Variants in VWDE observed in about 807,000 individuals in gnomAD.
The protein encoded by VWDE is von Willebrand factor D and EGF domains, also known as von Willebrand factor D and EGF domain-containing protein.
In VWDE, 207 loss-of-function variants were observed where a neutral mutation model predicts 178.4. That is an observed-to-expected ratio of 1.16 (90% CI 1.04 to 1.30). VWDE has a LOEUF of 1.30. VWDE is among the 50% of genes most tolerant of loss of function. The pLI, the probability that VWDE is intolerant of heterozygous loss-of-function variation, is 0.00. For synonymous variants in VWDE, 738 were observed against 651.4 expected, an observed-to-expected ratio of 1.13 and a Z score of -2.02; for missense variants, 2,287 against 1,901.3, an observed-to-expected ratio of 1.20 and a Z score of -3.77.
At chr7:12,341,397 G>A (rs1354496574) in intron 23 of VWDE, among the ~76,000 whole-genome samples, 1 of 152,154 alleles carries the variant, frequency 6.6e-6, no homozygotes, top group African/African-American at 2.4e-5. Flanking sequence ...ACTTTGAGAG[G>A]CTGAGGCAGG....
At chr7:12,345,060 G>T (rs1439881713) in intron 19 of VWDE, among the ~76,000 whole-genome samples, 1 of 151,998 alleles carries the variant, frequency 6.6e-6, no homozygotes, top group East Asian at 1.9e-4. Context: ...CCCAATTTGT[G>T]GGGTTCATGT....
rs1396552181 is a variant in VWDE, at chr7:12,380,699, T to G, written c.576A>C (p.Ala192=). 2.6e-6 allele frequency: 4 copies of G among 1,551,784 alleles called. No individual in the cohort carries two copies. The highest frequency in any genetic ancestry group is 3.5e-6 in the Non-Finnish European group (4 of 1,147,036). ...ACTCCACCAGAACCTCTGGCCTTCC[T>G]GCAGGTGGAGGTGGCAATGAGGCAG... ...QLAASLPPPP[A]GRPEVLVELI... The change falls in exon 5 of 29, where the codon GCA becomes GCC. Residue 192 remains alanine, a synonymous_variant. Transcript: ENST00000275358.
chr7:12,388,975 A>G (rs1399573938), intron 3 of VWDE, 152 bp downstream of exon 3: 6 of 747,714 alleles, frequency 8.0e-6, no homozygotes, highest in East Asian at 2.7e-5. Flanking sequence ...AATTTGACCA[A>G]TGTAAACAGA....
In VWDE at chr7:12,337,266, CAGAA is replaced by C. The variant is rs1459134705; in HGVS notation, c.4369_4372del (p.Phe1457ValfsTer12). 2.6e-6 allele frequency: 4 copies of C among 1,551,776 alleles called. No individual in the cohort carries two copies. In the South Asian group the frequency reaches 3.6e-5, roughly 14 times the overall value. On this transcript the variant is annotated frameshift_variant and splice_region_variant, in exon 25 of 29. Coordinates refer to ENST00000275358, the MANE Select transcript of VWDE (RefSeq NM_001135924.3). LOFTEE classifies it high-confidence loss of function. ...GCCACCATTCTTACAGGGAGGGTGA[CAGAA>C]AGCTAAAAGAACACATGGCAGCAAT... is the stretch of plus-strand genomic sequence containing the variant.
chr7:12,378,200 C>T (rs1439088055), intron 6 of VWDE, among the ~76,000 whole-genome samples: 2 of 152,166 alleles, frequency 1.3e-5, no homozygotes, highest in African/African-American at 4.8e-5. Context: ...GATTCTGGTT[C>T]TGTGGTGAGC....
chr7:12,386,044 T>C (rs1357314104), intron 3 of VWDE, among the ~76,000 whole-genome samples: 3 of 152,200 alleles, frequency 2.0e-5, no homozygotes, highest in Non-Finnish European at 4.4e-5. Context: ...TTGTATTTTA[T>C]GTTATTCCCT....
intron 9 of VWDE, among the ~76,000 whole-genome samples, chr7:12,373,840 C>T (rs1440025): frequency 0.37 from 56,707 of 151,842 alleles, 12,708 homozygotes; most frequent in African/African-American, 0.63. Context: ...TACACTTTCT[C>T]GAAATTTTTC....
chr7:12,385,732 C>G (rs563098950), intron 3 of VWDE, among the ~76,000 whole-genome samples: 2 of 152,148 alleles, frequency 1.3e-5, no homozygotes, highest in Non-Finnish European at 2.9e-5. Context: ...AAACGGTATT[C>G]CAAGGCAAGC....
chr7:12,401,818 C>T (rs1188436536), intron 1 of VWDE, among the ~76,000 whole-genome samples: 2 of 152,084 alleles, frequency 1.3e-5, no homozygotes, highest in Non-Finnish European at 2.9e-5. Flanking sequence ...TGAAAACATA[C>T]ATCCAAACAA....
intron 2 of VWDE, among the ~76,000 whole-genome samples, chr7:12,391,478 C>G (rs1784386459): frequency 6.6e-6 from 1 of 152,206 alleles, no homozygotes; most frequent in Non-Finnish European, 1.5e-5. Flanking sequence ...GAAACTGTTT[C>G]ACCTACACAT....
intron 19 of VWDE, among the ~76,000 whole-genome samples, chr7:12,350,937 C>T (rs916018998): frequency 6.6e-6 from 1 of 152,030 alleles, no homozygotes; most frequent in Non-Finnish European, 1.5e-5. Flanking sequence ...TTATTGTCTG[C>T]CTGTAAAATC....
At chr7:12,378,446 C>T (rs1291490718) in intron 6 of VWDE, among the ~76,000 whole-genome samples, 1 of 152,200 alleles carries the variant, frequency 6.6e-6, no homozygotes, top group Non-Finnish European at 1.5e-5. Flanking sequence ...AGAACTGGTG[C>T]AACCCAGGAC....
rs1391799459 is a variant in VWDE at position 12,373,309 on chromosome 7, T to C, written c.1317-62A>G. The C allele has an allele frequency of 1.7e-5, 25 of 1,493,828 alleles. No individual in the cohort carries two copies. In the Admixed American group the frequency reaches 3.1e-4, roughly 18 times the overall value. 92.5% of individuals were successfully genotyped at this position (1,493,828 alleles called of 1,614,324 possible). A position where few individuals can be genotyped will look rare whatever the true frequency, so the allele number is the denominator to read the frequency against. ...TGTAAAATATCACAATAGTATGTTA[T>C]TGATTTGCAACAGCTTTATGTATCA... On this transcript the variant is annotated intron_variant, in intron 9 of 28. Transcript: ENST00000275358.
chr7:12,333,671 C>A, intron 27 of VWDE, 103 bp from the exon 28 acceptor site: 1 of 720,800 alleles, frequency 1.4e-6, no homozygotes, highest in Non-Finnish European at 2.4e-6. Flanking sequence ...GACACCAATG[C>A]AGTCATAAGA....
chr7:12,379,648 T>C, intron 5 of VWDE, 82 bp from the exon 6 acceptor site: 1 of 978,934 alleles, frequency 1.0e-6, no homozygotes, highest in Admixed American at 2.7e-5. Context: ...AAATCCTAAA[T>C]TTAATTCTTC....
rs142968930 is a variant in VWDE at position 12,347,306 on chromosome 7, T to A, written c.3887-2837A>T. On this transcript the variant is annotated intron_variant, in intron 19 of 28. Coordinates refer to ENST00000275358, the MANE Select transcript of VWDE (RefSeq NM_001135924.3). ...GCAGAGAAGAACTGAAACTCCAGAT[T>A]ACAAAAATTACCATTAAAGAAAGTA... 8.4e-3 allele frequency among the ~76,000 whole-genome samples: 1,279 copies of A among 152,224 alleles called. 21 individuals carry two copies. Among genetic ancestry groups the A allele is most frequent in the African/African-American group, 0.028 (1,178 of 41,548 alleles).
At chr7:12,360,586 G>C (rs1782523948) in intron 15 of VWDE, among the ~76,000 whole-genome samples, 1 of 152,068 alleles carries the variant, frequency 6.6e-6, no homozygotes, top group Non-Finnish European at 1.5e-5. Flanking sequence ...TGTCTCTTAA[G>C]TCAGCAGTTC....
intron 6 of VWDE, 81 bp from the exon 7 acceptor site, chr7:12,378,001 A>C (rs1783635463): frequency 9.6e-7 from 1 of 1,037,654 alleles, no homozygotes; most frequent in Admixed American, 3.7e-5. Flanking sequence ...GCATTTTCTC[A>C]ACAGCACATA....
chr7:12,403,411 G>C (rs954580744), intron 1 of VWDE, among the ~76,000 whole-genome samples: 1 of 152,190 alleles, frequency 6.6e-6, no homozygotes, highest in Non-Finnish European at 1.5e-5. Context: ...ACAGAACCAA[G>C]GGTCGTAGAG....
Sources: allele counts gnomAD v4.1 joint callset (sites outside exome capture counted in the v4.1 genomes callset), GRCh38; gene constraint gnomAD v4.1.1; transcripts MANE v1.5; gene names NCBI Gene and HGNC (gene_info 2026-07-23, HGNC 2026-07-21).